Variants in DPP10 observed in about 807,000 individuals in gnomAD.
The protein encoded by DPP10 is inactive dipeptidyl peptidase 10.
DPP10 carries 33 observed loss-of-function variants against 120.9 expected under a neutral mutation model. The observed-to-expected ratio is 0.27, with a 90% confidence interval of 0.21 to 0.37. DPP10 has a LOEUF of 0.37. Among genes scored for constraint, DPP10 ranks in the 10% least tolerant of loss-of-function variants. The pLI is 1.00. For synonymous variants in DPP10, 337 were observed against 326.1 expected, an observed-to-expected ratio of 1.03 and a Z score of -0.36; for missense variants, 816 against 942.8, an observed-to-expected ratio of 0.87 and a Z score of 1.76.
At chr2:114,771,099 T>A (rs1681206444) in intron 1 of DPP10, among the ~76,000 whole-genome samples, 1 of 152,228 alleles carries the variant, frequency 6.6e-6, no homozygotes, top group Non-Finnish European at 1.5e-5. Context: ...TCATTTAGAA[T>A]ATGTTAAGAA....
intron 1 of DPP10, among the ~76,000 whole-genome samples, chr2:114,765,354 G>T (rs974741454): frequency 6.6e-6 from 1 of 152,036 alleles, no homozygotes; most frequent in African/African-American, 2.4e-5. Context: ...GTCTAAAAAT[G>T]GTTCTGATAT....
chr2:114,651,930 C>A (rs1018364195), intron 1 of DPP10, among the ~76,000 whole-genome samples: 1 of 152,070 alleles, frequency 6.6e-6, no homozygotes, highest in African/African-American at 2.4e-5. Context: ...TGTGCTTGCC[C>A]GGAAGATGAC....
intron 1 of DPP10, among the ~76,000 whole-genome samples, chr2:115,195,708 G>A (rs180779575): frequency 2.0e-5 from 3 of 152,172 alleles, no homozygotes; most frequent in East Asian, 1.9e-4. Context: ...AGGTTGTTCC[G>A]TGCCTTGACA....
At chr2:115,136,141 A>AC (rs1271583443) in intron 1 of DPP10, among the ~76,000 whole-genome samples, 1 of 147,242 alleles carries the variant, frequency 6.8e-6, no homozygotes, top group Non-Finnish European at 1.5e-5. Context: ...AGGGCACAAA[A>AC]CAGCAGCTAC....
chr2:114,517,455 G>A (rs1684688027), intron 1 of DPP10, among the ~76,000 whole-genome samples: 1 of 151,632 alleles, frequency 6.6e-6, no homozygotes, highest in Non-Finnish European at 1.5e-5. Flanking sequence ...GGGAGACGGA[G>A]GCTGCAGTGA....
intron 1 of DPP10, among the ~76,000 whole-genome samples, chr2:114,612,682 T>A (rs1693373803): frequency 6.6e-6 from 1 of 152,150 alleles, no homozygotes; most frequent in Non-Finnish European, 1.5e-5. Context: ...ACCGAAAAAC[T>A]TGAAGCAAAG....
At chr2:114,482,942 C>T (rs1445097571) in intron 1 of DPP10, among the ~76,000 whole-genome samples, 1 of 152,152 alleles carries the variant, frequency 6.6e-6, no homozygotes, top group East Asian at 1.9e-4. Context: ...TGTGGCCACA[C>T]AAGATTGATT....
intron 3 of DPP10, among the ~76,000 whole-genome samples, chr2:115,461,939 G>A (rs1656235068): frequency 6.6e-6 from 1 of 152,020 alleles, no homozygotes; most frequent in Non-Finnish European, 1.5e-5. Flanking sequence ...TTTAATAAAT[G>A]CCCTTTCGTG....
intron 2 of DPP10, among the ~76,000 whole-genome samples, chr2:115,330,577 T>G (rs969607797): frequency 1.7e-4 from 26 of 152,248 alleles, no homozygotes; most frequent in African/African-American, 5.3e-4. Context: ...ACTCTAACAT[T>G]TAAGTCTTTA....
At chr2:115,059,246 C>A (rs1706192048) in intron 1 of DPP10, among the ~76,000 whole-genome samples, 1 of 151,886 alleles carries the variant, frequency 6.6e-6, no homozygotes, top group Non-Finnish European at 1.5e-5. Context: ...AAGAATGCAT[C>A]TACTTTAGCA....
intron 1 of DPP10, among the ~76,000 whole-genome samples, chr2:115,093,573 T>C (rs1709461962): frequency 1.3e-5 from 2 of 152,078 alleles, no homozygotes; most frequent in African/African-American, 2.4e-5. Flanking sequence ...ATGTAATGCC[T>C]AGGAAATAGT....
In DPP10 at chr2:115,736,312, C is replaced by T. The variant is rs1034921095; in HGVS notation, c.698-3427C>T. 3.9e-5 allele frequency among the ~76,000 whole-genome samples: 6 copies of T among 152,134 alleles called. 1 individual carries two copies. The highest frequency in any genetic ancestry group is 4.1e-4 in the South Asian group (2 of 4,820). ...CACTGCATGTTAAAGGATGACATCC[C>T]GGCTTCAAGGTTATTGCTAAACAAA... On this transcript the variant is annotated intron_variant, in intron 8 of 25. Transcript: ENST00000410059.
At chr2:114,864,481 C>G (rs186658946) in intron 1 of DPP10, among the ~76,000 whole-genome samples, 1 of 152,296 alleles carries the variant, frequency 6.6e-6, no homozygotes, top group East Asian at 1.9e-4. Context: ...GTCCCACAAG[C>G]TCTTACCAGC....
chr2:114,580,785 A>G (rs1431347366), intron 1 of DPP10, among the ~76,000 whole-genome samples: 1 of 151,352 alleles, frequency 6.6e-6, no homozygotes. Context: ...AGAACAAAAC[A>G]TCAACATGAC....
At chr2:114,873,637 C>T (rs576125135) in intron 1 of DPP10, among the ~76,000 whole-genome samples, 8 of 152,192 alleles carry the variant, frequency 5.3e-5, no homozygotes, top group South Asian at 2.1e-4. Flanking sequence ...TATGAGTCTA[C>T]GCACTGTGTC....
intron 1 of DPP10, among the ~76,000 whole-genome samples, chr2:115,163,017 C>T (rs553333531): frequency 6.6e-6 from 1 of 152,164 alleles, no homozygotes; most frequent in Non-Finnish European, 1.5e-5. Context: ...GCACTTAGGT[C>T]AGGGATTAAC....
chr2:115,838,618 T>C (rs772997027), intron 24 of DPP10, among the ~76,000 whole-genome samples: 12 of 152,210 alleles, frequency 7.9e-5, no homozygotes, highest in Non-Finnish European at 1.5e-4. Context: ...AATATATTAG[T>C]GCTATTTCAA....
intron 1 of DPP10, among the ~76,000 whole-genome samples, chr2:114,771,821 G>C (rs1340278988): frequency 1.3e-5 from 2 of 152,112 alleles, no homozygotes; most frequent in Non-Finnish European, 2.9e-5. Context: ...CTCTTAAAAA[G>C]TATAGGAGTC....
intron 1 of DPP10, among the ~76,000 whole-genome samples, chr2:115,221,798 C>A (rs549660606): frequency 2.3e-5 from 3 of 129,614 alleles, no homozygotes; most frequent in Admixed American, 8.4e-5. Context: ...TAAGAGAAAA[C>A]CATGGTCTAT....
Sources: gnomAD v4.1 joint callset for allele counts (sites outside exome capture counted in the v4.1 genomes callset) on GRCh38, gnomAD v4.1.1 for gene constraint, MANE v1.5 for transcripts, NCBI Gene and HGNC (gene_info 2026-07-23, HGNC 2026-07-21) for gene names.